Variants in ZNF804B observed in about 807,000 individuals in gnomAD.
ZNF804B encodes the protein zinc finger protein 804B, also known as zinc finger 804B.
ZNF804B carries 80 observed loss-of-function variants against 101.4 expected under a neutral mutation model. That is an observed-to-expected ratio of 0.79 (90% CI 0.66 to 0.95). The LOEUF is 0.95. Ranked by LOEUF, ZNF804B falls within the 40% of genes least tolerant of loss-of-function variation. The pLI is 0.00. For missense variants in ZNF804B, 1,673 were observed against 1,561.9 expected (o/e 1.07, Z -1.20); for synonymous variants, 622 against 558.8 (o/e 1.11, Z -1.59).
chr7:89,085,993 A>G (rs148116562), intron 1 of ZNF804B, among the ~76,000 whole-genome samples: 23 of 152,052 alleles, frequency 1.5e-4, no homozygotes, highest in Admixed American at 1.1e-3. Context: ...TTGCAAATCA[A>G]GTATTTTGCA....
intron 1 of ZNF804B, among the ~76,000 whole-genome samples, chr7:89,002,876 T>G (rs1788309224): frequency 6.6e-6 from 1 of 151,992 alleles, no homozygotes; most frequent in African/African-American, 2.4e-5. Context: ...TCAAACTACT[T>G]TCTATGTAAG....
chr7:89,286,466 T>G (rs1342361974), intron 2 of ZNF804B, among the ~76,000 whole-genome samples: 1 of 152,170 alleles, frequency 6.6e-6, no homozygotes, highest in African/African-American at 2.4e-5. Context: ...ACTGCTGAAA[T>G]ATTGTGCATG....
intron 1 of ZNF804B, among the ~76,000 whole-genome samples, chr7:89,009,567 T>C (rs1788422319): frequency 6.6e-6 from 1 of 152,128 alleles, no homozygotes; most frequent in Admixed American, 6.5e-5. Context: ...CCCAGAGTGA[T>C]GGTATTAGGA....
At chr7:89,216,560 G>A (rs530068476) in intron 1 of ZNF804B, among the ~76,000 whole-genome samples, 2 of 152,230 alleles carry the variant, frequency 1.3e-5, no homozygotes, top group African/African-American at 4.8e-5. Flanking sequence ...ATTCTAGAAT[G>A]TAACCAAATT....
chr7:88,860,278 C>T (rs1273787814), intron 1 of ZNF804B, among the ~76,000 whole-genome samples: 1 of 151,930 alleles, frequency 6.6e-6, no homozygotes, highest in Non-Finnish European at 1.5e-5. Context: ...CTTGTGTTTG[C>T]AGTTTGTATG....
At chr7:89,329,406 AAAAAT>A (rs1790944377) in intron 3 of ZNF804B, among the ~76,000 whole-genome samples, 1 of 151,792 alleles carries the variant, frequency 6.6e-6, no homozygotes, top group Non-Finnish European at 1.5e-5. Flanking sequence ...AGTGAAAGTT[AAAAAT>A]AAAATAAAAA....
intron 1 of ZNF804B, among the ~76,000 whole-genome samples, chr7:88,979,351 C>T (rs556877587): frequency 6.6e-6 from 1 of 152,004 alleles, no homozygotes. Context: ...TTTAGCATTT[C>T]TTGTAGGACA....
intron 3 of ZNF804B, among the ~76,000 whole-genome samples, chr7:89,328,972 C>G (rs801834): frequency 0.19 from 28,426 of 151,412 alleles, 3,242 homozygotes; most frequent in African/African-American, 0.32. Flanking sequence ...GATAATGATG[C>G]TGATGATGAT....
At chr7:89,230,183 C>T (rs1461421740) in intron 2 of ZNF804B, among the ~76,000 whole-genome samples, 1 of 151,560 alleles carries the variant, frequency 6.6e-6, no homozygotes, top group African/African-American at 2.4e-5. Flanking sequence ...GAGCAGAAAT[C>T]AATAACACTA....
intron 2 of ZNF804B, among the ~76,000 whole-genome samples, chr7:89,233,265 A>G (rs886626481): frequency 2.6e-5 from 4 of 152,106 alleles, no homozygotes; most frequent in Non-Finnish European, 4.4e-5. Context: ...TTTTAACCAA[A>G]CCTGAACCCT....
chr7:88,906,879 G>A (rs1347101208), intron 1 of ZNF804B, among the ~76,000 whole-genome samples: 1 of 151,940 alleles, frequency 6.6e-6, no homozygotes, highest in Non-Finnish European at 1.5e-5. Flanking sequence ...TCTTTTCATA[G>A]GTCAAGAAGA....
At chr7:89,309,020 A>T (rs1584117395) in intron 2 of ZNF804B, among the ~76,000 whole-genome samples, 1 of 152,168 alleles carries the variant, frequency 6.6e-6, no homozygotes, top group Non-Finnish European at 1.5e-5. Flanking sequence ...CAGGGGGTAC[A>T]TGTGCAGGTT....
At chr7:89,284,851 C>T (rs1377114521) in intron 2 of ZNF804B, among the ~76,000 whole-genome samples, 1 of 151,844 alleles carries the variant, frequency 6.6e-6, no homozygotes, top group African/African-American at 2.4e-5. Flanking sequence ...GATATCAGGA[C>T]AAATGGCTTC....
chr7:88,775,991 A>G (rs1463741797), intron 1 of ZNF804B, among the ~76,000 whole-genome samples: 1 of 152,180 alleles, frequency 6.6e-6, no homozygotes, highest in Non-Finnish European at 1.5e-5. Flanking sequence ...AGGTGCTTAC[A>G]GGTATTGATT....
At chr7:88,812,016 T>C (rs1168109229) in intron 1 of ZNF804B, among the ~76,000 whole-genome samples, 1 of 152,172 alleles carries the variant, frequency 6.6e-6, no homozygotes, top group Non-Finnish European at 1.5e-5. Context: ...ATGTAATATC[T>C]TTTGTCGATA....
chr7:88,873,385 G>A (rs567651509), intron 1 of ZNF804B, among the ~76,000 whole-genome samples: 2 of 152,188 alleles, frequency 1.3e-5, no homozygotes, highest in African/African-American at 4.8e-5. Flanking sequence ...TGTCAGATGA[G>A]TAGGTTGTGA....
intron 2 of ZNF804B, among the ~76,000 whole-genome samples, chr7:89,279,657 T>C (rs1007807707): frequency 1.3e-5 from 2 of 152,234 alleles, no homozygotes; most frequent in Admixed American, 6.5e-5. Flanking sequence ...ATTACGTTTA[T>C]TGATTTTCAT....
At chr7:88,971,953 C>T (rs1238502384) in intron 1 of ZNF804B, among the ~76,000 whole-genome samples, 3 of 151,276 alleles carry the variant, frequency 2.0e-5, no homozygotes, top group African/African-American at 7.3e-5. Context: ...TTCCAGTTTA[C>T]CAGAGTTGTA....
At chr7:89,128,444 G>A (rs920044420) in intron 1 of ZNF804B, among the ~76,000 whole-genome samples, 1 of 152,042 alleles carries the variant, frequency 6.6e-6, no homozygotes, top group African/African-American at 2.4e-5. Flanking sequence ...AATTTGAAAA[G>A]TATGTGAGAA....
Sources: allele counts gnomAD v4.1 joint callset (sites outside exome capture counted in the v4.1 genomes callset), GRCh38; gene constraint gnomAD v4.1.1; transcripts MANE v1.5; gene names NCBI Gene and HGNC (gene_info 2026-07-23, HGNC 2026-07-21).